The following ONECUT3 variants were observed in gnomAD, a reference collection of about 807,000 sequenced individuals.
ONECUT3 encodes the protein one cut domain family member 3.
Under a neutral mutation model 16.8 loss-of-function variants are expected in ONECUT3, and 11 were observed. The observed-to-expected ratio is 0.66, with a 90% CI of 0.41 to 1.09. The LOEUF is 1.09. Among genes scored for constraint, ONECUT3 ranks in the 50% least tolerant of loss-of-function variants. The pLI is 0.00. For missense variants in ONECUT3, 637 were observed against 629.9 expected, an observed-to-expected ratio of 1.01 and a Z score of -0.12; for synonymous variants, 344 against 310.7, an observed-to-expected ratio of 1.11 and a Z score of -1.13.
Position 1,758,102 on chromosome 19 carries a change from G to A in ONECUT3, c.1192+3248G>A, listed in dbSNP as rs2067926465. On this transcript the variant is annotated intron_variant, in intron 1 of 1. Transcript: ENST00000382349. The surrounding 1 kb of genome is among the most constrained non-coding windows in gnomAD (Gnocchi z 5.9). ...CGGGGCCAGGACAGAGACGGGGACAGGGAGGGAGAAAGACCCGCAGGTGCA... is the reference window on the plus strand; with the variant it reads ...CGGGGCCAGGACAGAGACGGGGACAAGGAGGGAGAAAGACCCGCAGGTGCA... Among the ~76,000 whole-genome samples the A allele has an allele frequency of 6.6e-6, 1 of 152,090 alleles. No individual in the cohort carries two copies. Among genetic ancestry groups the A allele is most frequent in the Non-Finnish European group, 1.5e-5 (1 of 68,002 alleles).
In ONECUT3 at chr19:1,762,048, G is replaced by A. The variant is rs1286036230; in HGVS notation, c.1192+7194G>A. ...GTGTGTAGACGCCTCCGTTCACACTGGGACGAGTGCAGACTGACCCAGGAC... is the reference window on the plus strand; with the variant it reads ...GTGTGTAGACGCCTCCGTTCACACTAGGACGAGTGCAGACTGACCCAGGAC... On this transcript the variant is annotated intron_variant, in intron 1 of 1. Coordinates refer to ENST00000382349, the MANE Select transcript of ONECUT3 (RefSeq NM_001080488.2). This position sits in a 1 kb window ranked among gnomAD's most constrained non-coding sequence, Gnocchi z 4.4. 6.6e-6 allele frequency among the ~76,000 whole-genome samples: 1 copy of A among 152,156 alleles called. No individual in the cohort carries two copies. Among genetic ancestry groups the A allele is most frequent in the Non-Finnish European group, 1.5e-5 (1 of 68,014 alleles).
rs905750282 is a variant in ONECUT3 at position 1,755,451 on chromosome 19, C to T, written c.1192+597C>T. Among the ~76,000 whole-genome samples the T allele has an allele frequency of 6.6e-6, 1 of 152,132 alleles. No individual in the cohort carries two copies. Among genetic ancestry groups the T allele is most frequent in the Admixed American group, 6.5e-5 (1 of 15,286 alleles). ...CGGCCCCGCGATCGATACCCCCTCC[C>T]TCTCCCCTCCGGCCGCTGGCAAAGG... On this transcript the variant is annotated intron_variant, in intron 1 of 1. Transcript: ENST00000382349. The surrounding 1 kb of genome is among the most constrained non-coding windows in gnomAD (Gnocchi z 7.5).
Position 1,775,629 on chromosome 19 carries a change from G to GC in ONECUT3, c.*190dup. ...CCCCCAGCCCAAGTGCACAAAAAGG[G>GC]CCCCCCTTCCTCCCTCCATGCCCAC... On this transcript the variant is annotated 3_prime_UTR_variant, in exon 2 of 2. Coordinates refer to ENST00000382349, the MANE Select transcript of ONECUT3 (RefSeq NM_001080488.2). The GC allele has an allele frequency of 1.9e-6, 1 of 532,936 alleles. No individual in the cohort carries two copies. The highest frequency in any genetic ancestry group is 3.2e-6 in the Non-Finnish European group (1 of 316,010). The allele number at this position is 532,936 out of a possible 1,614,324, so 33.0% of individuals were successfully genotyped here.
At chr19:1,763,394 A>AAAAAAAAAAAAAAAAAAAAAAAAG in intron 1 of ONECUT3, among the ~76,000 whole-genome samples, 1 of 141,632 alleles carries the variant, frequency 7.1e-6, no homozygotes, top group Non-Finnish European at 1.5e-5. Flanking sequence ...AAAAAAAAAA[A>AAAAAAAAAAAAAAAAAAAAAAAAG]AATTAGCCAG....
chr19:1,772,938 C>T (rs1048303335), intron 1 of ONECUT3, among the ~76,000 whole-genome samples: 11 of 147,618 alleles, frequency 7.5e-5, no homozygotes. Flanking sequence ...CTCCTGACCT[C>T]GTGATCCGCC....
Position 1,776,425 on chromosome 19 carries a change from T to C in ONECUT3, c.*980T>C, listed in dbSNP as rs1227212807. On this transcript the variant is annotated 3_prime_UTR_variant, in exon 2 of 2. Coordinates refer to ENST00000382349, the MANE Select transcript of ONECUT3 (RefSeq NM_001080488.2). This position sits in a 1 kb window ranked among gnomAD's most constrained non-coding sequence, Gnocchi z 4.9. ...GTGGAGACGCTTCCTGCGTGGAACCTTCTGGAATCCACCGCCCCCCTTTCC... is the reference window on the plus strand; with the variant it reads ...GTGGAGACGCTTCCTGCGTGGAACCCTCTGGAATCCACCGCCCCCCTTTCC... The C allele has an allele frequency of 6.6e-6, 1 of 152,096 alleles. No individual in the cohort carries two copies. Among genetic ancestry groups the C allele is most frequent in the African/African-American group, 2.4e-5 (1 of 41,418 alleles). 9.4% of individuals were successfully genotyped at this position (152,096 alleles called of 1,614,324 possible). A position where few individuals can be genotyped will look rare whatever the true frequency, so the allele number is the denominator to read the frequency against.
chr19:1,772,817 C>A (rs2068068059), intron 1 of ONECUT3, among the ~76,000 whole-genome samples: 1 of 150,944 alleles, frequency 6.6e-6, no homozygotes, highest in African/African-American at 2.4e-5. Flanking sequence ...CCTCAGCCTC[C>A]CGAGTAGCTG....
chr19:1,769,761 A>G (rs2068036757), intron 1 of ONECUT3, among the ~76,000 whole-genome samples: 9 of 152,042 alleles, frequency 5.9e-5, no homozygotes. Flanking sequence ...CTCCGACTGG[A>G]TCGATCTGGG....
chr19:1,757,133 G>GGC (rs975355740), intron 1 of ONECUT3, among the ~76,000 whole-genome samples: 5 of 80,130 alleles, frequency 6.2e-5, no homozygotes, highest in African/African-American at 1.9e-4. Flanking sequence ...GAAGTCCCAT[G>GGC]GGGGGGGGGT....
rs1279869984 is a variant in ONECUT3, at chr19:1,754,403, G to A, written c.741G>A (p.Pro247=). The A allele has an allele frequency of 3.7e-6, 4 of 1,084,246 alleles. No individual in the cohort carries two copies. The highest frequency in any genetic ancestry group is 4.2e-5 in the Admixed American group (1 of 23,740). The allele number at this position is 1,084,246 out of a possible 1,614,324, so 67.2% of individuals were successfully genotyped here. Residue 247 remains proline (P), a synonymous_variant, in exon 1 of 2, where the codon CCG becomes CCA. Transcript: ENST00000382349. The surrounding 1 kb of genome is among the most constrained non-coding windows in gnomAD (Gnocchi z 7.4). ...DKLLPPAAFE[P]HAALLGRAED... ...TGCTGCCGCCCGCCGCCTTCGAGCC[G>A]CACGCCGCGCTGCTGGGACGCGCGG...
intron 1 of ONECUT3, among the ~76,000 whole-genome samples, chr19:1,774,744 G>A (rs1339161014): frequency 6.6e-6 from 1 of 151,774 alleles, no homozygotes; most frequent in East Asian, 1.9e-4. Flanking sequence ...GGGGGCTGGA[G>A]GGGGTGGTAG....
chr19:1,757,701 G>T (rs1485466049), intron 1 of ONECUT3, among the ~76,000 whole-genome samples: 3 of 152,242 alleles, frequency 2.0e-5, no homozygotes, highest in African/African-American at 4.8e-5. Flanking sequence ...GGCGAGGGCC[G>T]CGGGGTCACT....
At chr19:1,768,842 TG>T (rs2145964302) in intron 1 of ONECUT3, among the ~76,000 whole-genome samples, 1 of 42,748 alleles carries the variant, frequency 2.3e-5, no homozygotes, top group Non-Finnish European at 4.4e-5. Flanking sequence ...GTGATGGGGG[TG>T]GAAGGTGGAG....
Position 1,766,364 on chromosome 19 carries a change from C to T in ONECUT3, c.1193-8789C>T, listed in dbSNP as rs1012610410. On this transcript the variant is annotated intron_variant, in intron 1 of 1. Coordinates refer to ENST00000382349, the MANE Select transcript of ONECUT3 (RefSeq NM_001080488.2). This position sits in a 1 kb window ranked among gnomAD's most constrained non-coding sequence, Gnocchi z 4.0. ...CACGGGCCCGCCTTCAGGGGCGAGG[C>T]GGATGCTGCATCCTGAAGCCCTCCC... is the stretch of plus-strand genomic sequence containing the variant. 2.6e-5 allele frequency among the ~76,000 whole-genome samples: 4 copies of T among 151,580 alleles called. No individual in the cohort carries two copies. Among genetic ancestry groups the T allele is most frequent in the African/African-American group, 7.2e-5 (3 of 41,392 alleles).
intron 1 of ONECUT3, among the ~76,000 whole-genome samples, chr19:1,761,853 C>A (rs534432440): frequency 2.0e-5 from 3 of 152,264 alleles, no homozygotes; most frequent in East Asian, 3.9e-4. Flanking sequence ...CCTCCTGAGT[C>A]CCGAGTGTGG....
rs1448909099 is a variant in ONECUT3, at chr19:1,780,103, G to A, written c.*4658G>A. 1.3e-5 allele frequency: 2 copies of A among 152,132 alleles called. No individual in the cohort carries two copies. Among genetic ancestry groups the A allele is most frequent in the African/African-American group, 2.4e-5 (1 of 41,396 alleles). 9.4% of individuals were successfully genotyped at this position (152,132 alleles called of 1,614,324 possible). On this transcript the variant is annotated 3_prime_UTR_variant, in exon 2 of 2. Transcript: ENST00000382349. ...CTTGTTGCCCAGGGTGGTGGGGGAC[G>A]GGAGTGTGCCCCAACTTCCTGAGAT...
chr19:1,775,461 C>A lies in ONECUT3; in HGVS notation c.*16C>A. ...CAAGGCCTGAGGCGCCCCGGCCCCGCGCCCTCCCTGCCTCCACGGCCTGGG... is the reference window on the plus strand; with the variant it reads ...CAAGGCCTGAGGCGCCCCGGCCCCGAGCCCTCCCTGCCTCCACGGCCTGGG... On this transcript the variant is annotated 3_prime_UTR_variant, in exon 2 of 2. Transcript: ENST00000382349. 1.4e-6 allele frequency: 2 copies of A among 1,451,390 alleles called. No homozygotes were observed. Among genetic ancestry groups the A allele is most frequent in the Non-Finnish European group, 9.0e-7 (1 of 1,109,154 alleles). 89.9% of individuals were successfully genotyped at this position (1,451,390 alleles called of 1,614,324 possible). A position where few individuals can be genotyped will look rare whatever the true frequency, so the allele number is the denominator to read the frequency against.
Position 1,758,612 on chromosome 19 carries a change from G to C in ONECUT3, c.1192+3758G>C, listed in dbSNP as rs1006319956. On this transcript the variant is annotated intron_variant, in intron 1 of 1. Transcript: ENST00000382349. This position sits in a 1 kb window ranked among gnomAD's most constrained non-coding sequence, Gnocchi z 5.9. ...TGTCAGATTCTGGACCCCGTCGTCT[G>C]GGAGTCCTGCAGCCCCCAAGCCCAT... is the stretch of plus-strand genomic sequence containing the variant. Among the ~76,000 whole-genome samples, 2 of 152,174 alleles carry C rather than the reference G, an allele frequency of 1.3e-5. No individual in the cohort carries two copies. Among genetic ancestry groups the C allele is most frequent in the African/African-American group, 4.8e-5 (2 of 41,448 alleles).
At chr19:1,774,555 A>T (rs779029116) in intron 1 of ONECUT3, among the ~76,000 whole-genome samples, 1 of 151,876 alleles carries the variant, frequency 6.6e-6, no homozygotes, top group Non-Finnish European at 1.5e-5. Context: ...TGAGCCAAAA[A>T]CTCTCATGTG....
Sources: gnomAD v4.1 joint callset for allele counts (sites outside exome capture counted in the v4.1 genomes callset) on GRCh38, gnomAD v4.1.1 for gene constraint, Gnocchi (gnomAD v3.1) non-coding constraint, MANE v1.5 for transcripts, NCBI Gene and HGNC (gene_info 2026-07-23, HGNC 2026-07-21) for gene names.